MCF2: variants seen among roughly 807,000 people sequenced by gnomAD.
The protein encoded by MCF2 is proto-oncogene DBL.
MCF2 carries 44 observed loss-of-function variants against 82.5 expected under a neutral mutation model. The ratio of observed to expected loss-of-function variants is 0.53; its 90% CI spans 0.42 to 0.69. MCF2 has a LOEUF of 0.69. MCF2 is among the 30% of genes least tolerant of loss of function. The pLI, the probability that MCF2 is intolerant of heterozygous loss-of-function variation, is 0.00. For missense variants in MCF2, 623 were observed against 663.1 expected (o/e 0.94, Z 0.66); for synonymous variants, 217 against 224.9 (o/e 0.96, Z 0.32).
intron 11 of MCF2, 136 bp downstream of exon 15, chrX:139,610,165 C>A: frequency 1.2e-5 from 5 of 423,278 alleles, no homozygotes; most frequent in Non-Finnish European, 2.0e-5. Context: ...CACAATGCAG[C>A]AGCAGCTTTT....
rs184151912 is a variant in MCF2, at chrX:139,691,810, G to C, written c.-45+16296C>G. ...TAAAGTGCGCGCGGGGAGGGGTGTG[G>C]ACTGGAAAATAAAGAAAAGCCGGCC... On this transcript the variant is annotated intron_variant, in intron 1 of 27. Transcript: ENST00000414978. 1,463 of 638,570 alleles carry C rather than the reference G, an allele frequency of 2.3e-3. 18 individuals carry two copies. In the African/African-American group the frequency reaches 0.028, roughly 12 times the overall value. 52.6% of individuals were successfully genotyped at this position (638,570 alleles called of 1,213,427 possible). A position where few individuals can be genotyped will look rare whatever the true frequency, so the allele number is the denominator to read the frequency against.
rs770973063 is a variant in MCF2 at position 139,693,832 on chromosome X, T to A, written c.-45+14274A>T. Among the ~76,000 whole-genome samples the A allele has an allele frequency of 2.7e-5, 3 of 112,444 alleles. No homozygotes were observed. The East Asian group carries it at 8.4e-4, about 31-fold the overall frequency. On this transcript the variant is annotated intron_variant, in intron 1 of 27. Coordinates refer to the MCF2 transcript ENST00000414978. The stretch of plus-strand genomic sequence containing the variant: ...AAATAACAACCTAGGAAGACATTTT[T>A]AAAATCTAACAATGGGAAAGAGTTT...
chrX:139,618,397 C>T (rs1449631499), intron 7 of MCF2, among the ~76,000 whole-genome samples: 1 of 111,225 alleles, frequency 9.0e-6, no homozygotes, highest in Non-Finnish European at 1.9e-5. Flanking sequence ...TGAAAAAGTT[C>T]TGGAGCTGTT....
intron 1 of MCF2, among the ~76,000 whole-genome samples, chrX:139,670,714 G>C (rs1387416407): frequency 8.9e-6 from 1 of 111,964 alleles, no homozygotes; most frequent in East Asian, 2.8e-4. Context: ...GTCTACCATT[G>C]ATGGACATTT....
intron 1 of MCF2, among the ~76,000 whole-genome samples, chrX:139,665,937 A>C (rs1466440390): frequency 1.0e-5 from 1 of 98,047 alleles, no homozygotes; most frequent in Non-Finnish European, 2.0e-5. Context: ...ACACACACAC[A>C]CAAACCATAT....
intron 1 of MCF2, among the ~76,000 whole-genome samples, chrX:139,658,228 A>G (rs1056765362): frequency 9.0e-6 from 1 of 111,450 alleles, no homozygotes; most frequent in African/African-American, 3.3e-5. Context: ...TTACCTTAAG[A>G]ATATGTAAAA....
chrX:139,673,997 T>C (rs1005002606), intron 1 of MCF2, among the ~76,000 whole-genome samples: 12 of 111,788 alleles, frequency 1.1e-4, no homozygotes, highest in African/African-American at 1.3e-4. Context: ...AATCTGGGTG[T>C]TCCTGTATCG....
intron 1 of MCF2, among the ~76,000 whole-genome samples, chrX:139,688,513 AT>A (rs1460325259): frequency 8.9e-6 from 1 of 111,852 alleles, no homozygotes; most frequent in African/African-American, 3.3e-5. Context: ...CACTGAATAA[AT>A]TTTGTTGTGA....
chrX:139,600,453 C>T (rs775482080), intron 16 of MCF2, among the ~76,000 whole-genome samples: 43 of 111,200 alleles, frequency 3.9e-4, no homozygotes, highest in African/African-American at 1.2e-3. Flanking sequence ...GAGTAAAACA[C>T]AGGCCCTATG....
In MCF2 at chrX:139,623,946, G is replaced by A. The variant is rs750850980; in HGVS notation, c.687+2247C>T. Among the ~76,000 whole-genome samples the A allele has an allele frequency of 4.2e-3, 464 of 111,179 alleles. 2 individuals are homozygous for A. Among genetic ancestry groups the A allele is most frequent in the Non-Finnish European group, 7.5e-3 (396 of 52,967 alleles). On this transcript the variant is annotated intron_variant, in intron 6 of 24. Transcript: ENST00000370576. ...CATCATCAGTTGATGCTAAATTTAC[G>A]GGGAAATTTTTATGAGAAGGAGGAT...
At position 139,613,960 on chromosome X, in the gene MCF2, T is replaced by C. The variant is rs747165722; in HGVS notation, c.1363+921A>G. On this transcript the variant is annotated intron_variant, in intron 10 of 24. Transcript: ENST00000370576. ...TCTGATCCATGCTAGATATAAGCTA[T>C]TATTTTTATGCTCATTATCCTTGGC... Among the ~76,000 whole-genome samples, 21 of 111,305 alleles carry C rather than the reference T, an allele frequency of 1.9e-4. No homozygotes were observed. The South Asian group carries it at 2.3e-3, about 12-fold the overall frequency.
intron 19 of MCF2, among the ~76,000 whole-genome samples, chrX:139,594,815 G>T (rs995308663): frequency 9.9e-5 from 11 of 110,707 alleles, no homozygotes; most frequent in Non-Finnish European, 1.9e-4. Flanking sequence ...GAAAATTTTC[G>T]CAACCTACTC....
chrX:139,675,529 T>C (rs1310371778), intron 1 of MCF2, among the ~76,000 whole-genome samples: 1 of 112,449 alleles, frequency 8.9e-6, no homozygotes. Flanking sequence ...TTCCTTTCTG[T>C]TTGTTAGTTT....
intron 15 of MCF2, among the ~76,000 whole-genome samples, chrX:139,604,140 C>A (rs1930785164): frequency 9.0e-6 from 1 of 111,038 alleles, no homozygotes; most frequent in African/African-American, 3.3e-5. Flanking sequence ...ATACTTGGGA[C>A]ACAGAGGAAT....
At chrX:139,661,704 C>T (rs1042359750) in intron 1 of MCF2, among the ~76,000 whole-genome samples, 2 of 111,670 alleles carry the variant, frequency 1.8e-5, no homozygotes, top group Non-Finnish European at 3.8e-5. Flanking sequence ...GCCATCATCA[C>T]ATTTGATTGT....
intron 1 of MCF2, among the ~76,000 whole-genome samples, chrX:139,639,101 A>G (rs1933407802): frequency 1.8e-5 from 2 of 111,269 alleles, no homozygotes; most frequent in Admixed American, 9.6e-5. Flanking sequence ...GTTTGGGAAT[A>G]TTATATTTCT....
intron 4 of MCF2, among the ~76,000 whole-genome samples, chrX:139,629,049 A>G (rs552537643): frequency 8.9e-6 from 1 of 112,264 alleles, no homozygotes; most frequent in Admixed American, 9.5e-5. Context: ...TAAAAAATAC[A>G]GCCATGCATC....
chrX:139,700,120 G>A (rs1935460002), intron 1 of MCF2, among the ~76,000 whole-genome samples: 1 of 111,606 alleles, frequency 9.0e-6, no homozygotes, highest in Admixed American at 9.6e-5. Context: ...ATTAAAATGG[G>A]GGCATGAGAA....
intron 1 of MCF2, among the ~76,000 whole-genome samples, chrX:139,677,207 A>G: frequency 8.9e-6 from 1 of 111,812 alleles, no homozygotes; most frequent in East Asian, 2.8e-4. Flanking sequence ...CCCAAGTGCT[A>G]GCAGGCCACT....
Sources: gnomAD v4.1 joint callset for allele counts (sites outside exome capture counted in the v4.1 genomes callset) on GRCh38, gnomAD v4.1.1 for gene constraint, MANE v1.5 for transcripts, NCBI Gene and HGNC (gene_info 2026-07-23, HGNC 2026-07-21) for gene names.